Variants in CTNNA2 observed in about 807,000 individuals in gnomAD.
CTNNA2 encodes catenin alpha 2.
In CTNNA2, 42 loss-of-function variants were observed where a neutral mutation model predicts 101.0. The ratio of observed to expected loss-of-function variants is 0.42; its 90% CI spans 0.32 to 0.54. CTNNA2 has a LOEUF of 0.54. Among genes scored for constraint, CTNNA2 ranks in the 20% least tolerant of loss-of-function variants. The pLI is 0.14. For synonymous variants in CTNNA2, 450 were observed against 456.4 expected, an observed-to-expected ratio of 0.99 and a Z score of 0.18; for missense variants, 871 against 1,223.1, an observed-to-expected ratio of 0.71 and a Z score of 4.29.
At chr2:79,977,629 A>G (rs981383577) in intron 7 of CTNNA2, among the ~76,000 whole-genome samples, 76 of 152,320 alleles carry the variant, frequency 5.0e-4, no homozygotes, top group African/African-American at 1.8e-3. Context: ...TAAATAGTGC[A>G]TTATAATACA....
chr2:80,214,553 T>C (rs1205370116), intron 7 of CTNNA2, among the ~76,000 whole-genome samples: 2 of 152,228 alleles, frequency 1.3e-5, no homozygotes, highest in African/African-American at 2.4e-5. Context: ...CACTCTCTTC[T>C]GGCTTGTAGA....
chr2:80,342,747 C>A (rs1325623880), intron 7 of CTNNA2, among the ~76,000 whole-genome samples: 1 of 151,982 alleles, frequency 6.6e-6, no homozygotes, highest in Non-Finnish European at 1.5e-5. Context: ...TAACAAAGAC[C>A]TCAATTCTAT....
chr2:79,823,627 T>C (rs911845784), intron 3 of CTNNA2, among the ~76,000 whole-genome samples: 2 of 152,142 alleles, frequency 1.3e-5, no homozygotes, highest in Non-Finnish European at 2.9e-5. Flanking sequence ...AACTTAAAAA[T>C]TCGTAGATTC....
intron 7 of CTNNA2, among the ~76,000 whole-genome samples, chr2:80,336,172 G>A (rs2149270551): frequency 6.6e-6 from 1 of 152,226 alleles, no homozygotes; most frequent in South Asian, 2.1e-4. Context: ...CCAAGATTAG[G>A]GCTCCAGCAT....
At chr2:80,295,008 C>G (rs1675615245) in intron 7 of CTNNA2, among the ~76,000 whole-genome samples, 1 of 152,090 alleles carries the variant, frequency 6.6e-6, no homozygotes, top group African/African-American at 2.4e-5. Flanking sequence ...TTGAAACTCT[C>G]TCCTCTTCCT....
intron 1 of CTNNA2, among the ~76,000 whole-genome samples, chr2:79,636,127 G>A (rs866692639): frequency 1.3e-5 from 2 of 150,396 alleles, no homozygotes; most frequent in Non-Finnish European, 3.0e-5. Context: ...AAAATTAGCC[G>A]GGCGTGGTGG....
intron 7 of CTNNA2, among the ~76,000 whole-genome samples, chr2:80,333,223 G>A (rs182936033): frequency 1.4e-3 from 209 of 152,136 alleles, no homozygotes; most frequent in African/African-American, 4.1e-3. Flanking sequence ...CCTTTCCACC[G>A]GTCTGTCTAA....
intron 4 of CTNNA2, among the ~76,000 whole-genome samples, chr2:79,860,561 T>TTTTTTTTTTC (rs1681536798): frequency 6.6e-6 from 1 of 150,802 alleles, no homozygotes; most frequent in Non-Finnish European, 1.5e-5. Flanking sequence ...TTTTTTTTTT[T>TTTTTTTTTTC]TTTTAACGAT....
At chr2:80,211,599 A>T (rs1042526783) in intron 7 of CTNNA2, among the ~76,000 whole-genome samples, 1 of 152,226 alleles carries the variant, frequency 6.6e-6, no homozygotes, top group Admixed American at 6.5e-5. Context: ...TACCAGGACC[A>T]TGCTATTTTG....
intron 9 of CTNNA2, among the ~76,000 whole-genome samples, chr2:80,458,803 A>G (rs930669938): frequency 6.6e-6 from 1 of 152,140 alleles, no homozygotes; most frequent in Non-Finnish European, 1.5e-5. Flanking sequence ...ATAGAGACTT[A>G]AACAATTATA....
chr2:80,000,638 A>G lies in CTNNA2; in HGVS notation c.1056+90841A>G, dbSNP rs1416872367. Among the ~76,000 whole-genome samples the G allele has an allele frequency of 2.6e-5, 4 of 152,106 alleles. No homozygotes were observed. The East Asian group carries it at 7.7e-4, about 29-fold the overall frequency. On this transcript the variant is annotated intron_variant, in intron 7 of 18. Transcript: ENST00000402739. ...TTCCTGCAAGGGGGTAAAGAGATAC[A>G]ACTTTGCATGTTTCCCAAACCCCCG... is the stretch of plus-strand genomic sequence containing the variant.
At chr2:80,551,496 G>C (rs1014271845) in intron 11 of CTNNA2, among the ~76,000 whole-genome samples, 1 of 152,200 alleles carries the variant, frequency 6.6e-6, no homozygotes, top group African/African-American at 2.4e-5. Flanking sequence ...ATCTTAGCTA[G>C]ATCTTTAGGA....
At chr2:79,275,737 C>A (rs1257552813) in intron 2 of CTNNA2, among the ~76,000 whole-genome samples, 1 of 151,910 alleles carries the variant, frequency 6.6e-6, no homozygotes, top group Non-Finnish European at 1.5e-5. Context: ...ATAAAATTAA[C>A]TTTTATTTAC....
intron 3 of CTNNA2, among the ~76,000 whole-genome samples, chr2:79,357,735 GA>G (rs1406420143): frequency 6.6e-6 from 1 of 152,120 alleles, no homozygotes; most frequent in African/African-American, 2.4e-5. Context: ...GCAGCCAAGG[GA>G]AAGGATACAA....
At chr2:80,192,435 G>GT (rs1436154773) in intron 7 of CTNNA2, among the ~76,000 whole-genome samples, 1 of 152,074 alleles carries the variant, frequency 6.6e-6, no homozygotes, top group African/African-American at 2.4e-5. Flanking sequence ...TTGATTTCTT[G>GT]TCTTCCCTTT....
At chr2:80,427,620 G>A (rs1681111301) in intron 9 of CTNNA2, among the ~76,000 whole-genome samples, 1 of 152,182 alleles carries the variant, frequency 6.6e-6, no homozygotes, top group Non-Finnish European at 1.5e-5. Flanking sequence ...ACTCCTGATA[G>A]CAGTGCCCCA....
At chr2:79,956,158 T>C in intron 7 of CTNNA2, among the ~76,000 whole-genome samples, 1 of 152,158 alleles carries the variant, frequency 6.6e-6, no homozygotes, top group East Asian at 1.9e-4. Flanking sequence ...GGAACCTCCC[T>C]GTTGCCTCCA....
chr2:79,559,670 G>C (rs1304390932), intron 1 of CTNNA2, among the ~76,000 whole-genome samples: 4 of 151,884 alleles, frequency 2.6e-5, no homozygotes, highest in Admixed American at 2.6e-4. Context: ...ACTTTGGATG[G>C]ACAGAGAGTA....
intron 7 of CTNNA2, among the ~76,000 whole-genome samples, chr2:80,139,273 C>A (rs755023550): frequency 7.2e-5 from 11 of 152,108 alleles, no homozygotes; most frequent in South Asian, 2.1e-4. Context: ...AATCATTAAA[C>A]CTCTTTGCAG....
Sources: allele counts gnomAD v4.1 joint callset (sites outside exome capture counted in the v4.1 genomes callset), GRCh38; gene constraint gnomAD v4.1.1; transcripts MANE v1.5; gene names NCBI Gene and HGNC (gene_info 2026-07-23, HGNC 2026-07-21).